Variants in CHODL observed in about 807,000 individuals in gnomAD.
CHODL encodes the protein chondrolectin, also known as transmembrane protein MT75.
A neutral mutation model predicts 34.5 loss-of-function variants in CHODL; 29 were observed. The ratio of observed to expected loss-of-function variants is 0.84; its 90% CI spans 0.63 to 1.15. The LOEUF (loss-of-function observed/expected upper bound fraction) is 1.15, where lower values mean the gene tolerates loss of function less well. Among genes scored for constraint, CHODL ranks in the 50% most tolerant of loss-of-function variants. The pLI, the probability that CHODL is intolerant of heterozygous loss-of-function variation, is 0.00. For synonymous variants in CHODL, 125 were observed against 116.1 expected (o/e 1.08, Z -0.49); for missense variants, 332 against 332.5 (o/e 1.00, Z 0.01).
At chr21:18,030,599 C>T (rs2064236375) in intron 2 of CHODL, among the ~76,000 whole-genome samples, 1 of 152,122 alleles carries the variant, frequency 6.6e-6, no homozygotes, top group South Asian at 2.1e-4. Context: ...AATCTCTCTT[C>T]TGTTTAAGTA....
intron 2 of CHODL, among the ~76,000 whole-genome samples, chr21:18,228,898 A>G (rs889848761): frequency 2.0e-5 from 3 of 152,174 alleles, no homozygotes; most frequent in Admixed American, 2.0e-4. Context: ...TAGCTCACCA[A>G]CTTAAAATAG....
At chr21:18,115,066 T>C (rs2146567628) in intron 2 of CHODL, among the ~76,000 whole-genome samples, 1 of 152,382 alleles carries the variant, frequency 6.6e-6, no homozygotes, top group South Asian at 2.1e-4. Flanking sequence ...GTATGTTACA[T>C]GGCAACATAT....
At chr21:18,020,959 C>T in intron 1 of CHODL, among the ~76,000 whole-genome samples, 1 of 152,154 alleles carries the variant, frequency 6.6e-6, no homozygotes, top group East Asian at 1.9e-4. Context: ...TATGATGAGA[C>T]ACCAGAGAGC....
intron 2 of CHODL, among the ~76,000 whole-genome samples, chr21:18,120,632 A>G: frequency 6.6e-6 from 1 of 152,306 alleles, no homozygotes; most frequent in East Asian, 1.9e-4. Context: ...GTGTGTACAT[A>G]TATACAAAAT....
At chr21:18,154,945 A>C (rs1047732114) in intron 2 of CHODL, among the ~76,000 whole-genome samples, 50 of 152,172 alleles carry the variant, frequency 3.3e-4, no homozygotes, top group African/African-American at 1.1e-3. Flanking sequence ...CAGATGGAAT[A>C]ATAATAGTGG....
chr21:17,978,146 AGGCG>A (rs1274604800), intron 1 of CHODL, among the ~76,000 whole-genome samples: 5 of 151,740 alleles, frequency 3.3e-5, no homozygotes, highest in African/African-American at 1.2e-4. Flanking sequence ...CACGTCGGCC[AGGCG>A]TGGTGGCTCA....
intron 2 of CHODL, among the ~76,000 whole-genome samples, chr21:18,055,274 C>T (rs933957477): frequency 6.6e-6 from 1 of 151,966 alleles, no homozygotes; most frequent in African/African-American, 2.4e-5. Context: ...AATGAACCCA[C>T]CCTTATGTCC....
intron 2 of CHODL, among the ~76,000 whole-genome samples, chr21:18,112,660 G>A (rs921146263): frequency 2.6e-5 from 4 of 152,086 alleles, no homozygotes; most frequent in South Asian, 4.1e-4. Context: ...AACATACATT[G>A]GGGAAAAAAC....
At chr21:18,053,139 A>T (rs997832250) in intron 2 of CHODL, among the ~76,000 whole-genome samples, 5 of 151,946 alleles carry the variant, frequency 3.3e-5, no homozygotes, top group Non-Finnish European at 7.4e-5. Flanking sequence ...GCAGGAAGAG[A>T]CCAATTCTGA....
At chr21:18,111,066 G>C (rs1340886554) in intron 2 of CHODL, among the ~76,000 whole-genome samples, 1 of 152,118 alleles carries the variant, frequency 6.6e-6, no homozygotes, top group Non-Finnish European at 1.5e-5. Flanking sequence ...TAATATTCTA[G>C]AATTAGAATG....
At chr21:17,927,104 G>A (rs1294405303) in intron 1 of CHODL, among the ~76,000 whole-genome samples, 4 of 137,554 alleles carry the variant, frequency 2.9e-5, no homozygotes, top group African/African-American at 1.3e-4. Flanking sequence ...ATATCTGTGT[G>A]TATGTATATA....
intron 2 of CHODL, among the ~76,000 whole-genome samples, chr21:18,215,008 T>G (rs1304603110): frequency 6.6e-6 from 1 of 152,108 alleles, no homozygotes; most frequent in Non-Finnish European, 1.5e-5. Context: ...TAAGCAAAGA[T>G]ATTCATGATA....
At chr21:18,091,654 T>C (rs1307413491) in intron 2 of CHODL, among the ~76,000 whole-genome samples, 2 of 152,064 alleles carry the variant, frequency 1.3e-5, no homozygotes, top group Non-Finnish European at 2.9e-5. Flanking sequence ...GGCATTTGGG[T>C]CCTCAAATTC....
chr21:18,247,925 A>C (rs1476756915), intron 1 of CHODL, among the ~76,000 whole-genome samples: 1 of 152,022 alleles, frequency 6.6e-6, no homozygotes, highest in African/African-American at 2.4e-5. Flanking sequence ...AAGGATTCCA[A>C]ATTCAGGTCT....
chr21:18,231,513 C>T (rs2073978394), intron 2 of CHODL, among the ~76,000 whole-genome samples: 1 of 151,002 alleles, frequency 6.6e-6, no homozygotes, highest in Admixed American at 6.6e-5. Context: ...TTGAACTGGC[C>T]ATTCAAATAT....
intron 1 of CHODL, among the ~76,000 whole-genome samples, chr21:17,972,498 A>G (rs1327196844): frequency 1.3e-5 from 2 of 152,206 alleles, no homozygotes; most frequent in Non-Finnish European, 2.9e-5. Context: ...TACACCAATA[A>G]TAGACAAACT....
intron 1 of CHODL, among the ~76,000 whole-genome samples, chr21:17,981,949 A>G (rs746302575): frequency 3.3e-5 from 5 of 152,250 alleles, no homozygotes; most frequent in African/African-American, 9.6e-5. Flanking sequence ...CATAGGCCCA[A>G]ATATTTATTT....
At chr21:17,923,398 A>G (rs1016316042) in intron 1 of CHODL, among the ~76,000 whole-genome samples, 5 of 127,430 alleles carry the variant, frequency 3.9e-5, no homozygotes. Flanking sequence ...AAGTAAAAAG[A>G]TGTTAACAAC....
intron 2 of CHODL, among the ~76,000 whole-genome samples, chr21:18,159,936 A>G (rs1323795171): frequency 1.3e-5 from 2 of 152,234 alleles, no homozygotes; most frequent in Non-Finnish European, 2.9e-5. Flanking sequence ...AGTCTTCGGA[A>G]AGGAACACAT....
Sources: gnomAD v4.1 joint callset for allele counts (sites outside exome capture counted in the v4.1 genomes callset) on GRCh38, gnomAD v4.1.1 for gene constraint, MANE v1.5 for transcripts, NCBI Gene and HGNC (gene_info 2026-07-23, HGNC 2026-07-21) for gene names.